GOLGA5: variants seen among roughly 807,000 people sequenced by gnomAD.
The protein encoded by GOLGA5 is golgin subfamily A member 5.
Under a neutral mutation model 93.5 loss-of-function variants are expected in GOLGA5, and 50 were observed. The ratio of observed to expected loss-of-function variants is 0.53; its 90% CI spans 0.43 to 0.68. The LOEUF (loss-of-function observed/expected upper bound fraction) is 0.68. Among genes scored for constraint, GOLGA5 ranks in the 30% least tolerant of loss-of-function variants. The pLI is 0.00. For synonymous variants in GOLGA5, 312 were observed against 304.5 expected (o/e 1.02, Z -0.26); for missense variants, 760 against 856.4 (o/e 0.89, Z 1.40).
chr14:92,800,316 CTG>C (rs1884841050), intron 2 of GOLGA5, among the ~76,000 whole-genome samples: 2 of 152,314 alleles, frequency 1.3e-5, no homozygotes, highest in South Asian at 4.1e-4. Context: ...CACAGAGGGT[CTG>C]TATTTTTAGC....
intron 7 of GOLGA5, among the ~76,000 whole-genome samples, chr14:92,818,732 G>A (rs904441583): frequency 1.3e-5 from 2 of 152,164 alleles, no homozygotes; most frequent in African/African-American, 4.8e-5. Flanking sequence ...GTATGAAACA[G>A]AATGTACCAA....
rs777041385 is a variant in GOLGA5 at position 92,833,287 on chromosome 14, G to A, written c.1885G>A (p.Ala629Thr). 54 of 1,613,790 alleles carry A rather than the reference G, an allele frequency of 3.3e-5. No individual in the cohort carries two copies. Among genetic ancestry groups the A allele is most frequent in the East Asian group, 2.2e-4 (10 of 44,884 alleles). Residue 629 changes from alanine (A) to threonine (T), a missense_variant, in exon 10 of 13, where the codon GCC becomes ACC. By Grantham distance (58) the Ala-to-Thr change is moderately conservative. Transcript: ENST00000163416. ...LERLEQQMNS[A>T]SGSSSNGSSI... ...GCGCCTCGAACAGCAGATGAACTCC[G>A]CCTCTGGAAGTAGTAGTAATGGGTC... is the stretch of plus-strand genomic sequence containing the variant.
chr14:92,818,725 T>G (rs556782372), intron 7 of GOLGA5, among the ~76,000 whole-genome samples: 8 of 152,314 alleles, frequency 5.3e-5, no homozygotes, highest in Middle Eastern at 3.4e-3. Context: ...GTGATGAGTA[T>G]GAAACAGAAT....
Position 92,801,676 on chromosome 14 carries a change from TAAAG to T in GOLGA5, c.544+3697_544+3700del, listed in dbSNP as rs1182637443. ...AAAATCTTTCCTTACACTGAGATCA[TAAAG>T]ATATTTTTCTGTATTGTCTTCTATA... On this transcript the variant is annotated intron_variant, in intron 2 of 12. Transcript: ENST00000163416. Among the ~76,000 whole-genome samples the T allele has an allele frequency of 1.3e-5, 2 of 151,964 alleles. 1 individual carries two copies. The highest frequency in any genetic ancestry group is 2.9e-5 in the Non-Finnish European group (2 of 67,988).
At chr14:92,825,136 G>A (rs1029809085) in intron 9 of GOLGA5, among the ~76,000 whole-genome samples, 6 of 151,886 alleles carry the variant, frequency 4.0e-5, no homozygotes, top group Non-Finnish European at 2.9e-5. Context: ...AGAGTCACAC[G>A]TTCACATTCC....
At chr14:92,808,446 C>CT (rs1208486202) in intron 3 of GOLGA5, among the ~76,000 whole-genome samples, 1 of 152,124 alleles carries the variant, frequency 6.6e-6, no homozygotes, top group East Asian at 1.9e-4. Flanking sequence ...ACAGCATGGG[C>CT]AACAGAGTGA....
intron 6 of GOLGA5, among the ~76,000 whole-genome samples, chr14:92,813,383 GAGA>G (rs1230687407): frequency 2.6e-5 from 4 of 152,224 alleles, no homozygotes; most frequent in African/African-American, 4.8e-5. Flanking sequence ...GGGAGCTTGA[GAGA>G]AGAATCCCTT....
chr14:92,824,262 A>T (rs112608088), intron 8 of GOLGA5, among the ~76,000 whole-genome samples: 14 of 152,332 alleles, frequency 9.2e-5, no homozygotes, highest in African/African-American at 3.1e-4. Context: ...TCATTACAAG[A>T]TAAACATTTT....
At chr14:92,810,201 A>G in intron 4 of GOLGA5, 53 bp from the exon 5 acceptor site, 1 of 1,362,660 alleles carries the variant, frequency 7.3e-7, no homozygotes, top group Non-Finnish European at 1.0e-6. Flanking sequence ...ATTCTGCCTT[A>G]TCACTTGTAC....
At chr14:92,838,618 G>GGCCT (rs1885695908) in intron 12 of GOLGA5, among the ~76,000 whole-genome samples, 3 of 152,104 alleles carry the variant, frequency 2.0e-5, no homozygotes, top group African/African-American at 7.2e-5. Context: ...CGCCCTCTTC[G>GGCCT]GCCTCCCAAA....
At chr14:92,833,443 G>C in intron 10 of GOLGA5, 96 bp downstream of exon 10, 5 of 875,014 alleles carry the variant, frequency 5.7e-6, no homozygotes, top group Non-Finnish European at 9.2e-6. Flanking sequence ...ACTTCATCCA[G>C]TGAAGGACTC....
chr14:92,799,218 A>T (rs1884806927), intron 2 of GOLGA5, among the ~76,000 whole-genome samples: 2 of 148,882 alleles, frequency 1.3e-5, no homozygotes, highest in Admixed American at 1.3e-4. Context: ...TCCTACTTTG[A>T]CCTCCCACAG....
chr14:92,825,626 C>T (rs564277380), intron 9 of GOLGA5, among the ~76,000 whole-genome samples: 37 of 152,162 alleles, frequency 2.4e-4, no homozygotes, highest in African/African-American at 7.9e-4. Flanking sequence ...TTTGGGAGAC[C>T]GAGGCAGGAG....
At chr14:92,838,662 G>A (rs1356128365) in intron 12 of GOLGA5, among the ~76,000 whole-genome samples, 1 of 152,072 alleles carries the variant, frequency 6.6e-6, no homozygotes, top group Non-Finnish European at 1.5e-5. Flanking sequence ...CACTGCACCT[G>A]GCATAATAAC....
At chr14:92,826,668 A>G (rs374542531) in intron 9 of GOLGA5, among the ~76,000 whole-genome samples, 68 of 151,788 alleles carry the variant, frequency 4.5e-4, no homozygotes, top group African/African-American at 1.6e-3. Flanking sequence ...ACTGCACTCC[A>G]GTCTGGGAGA....
At chr14:92,817,113 G>A (rs1007011058) in intron 7 of GOLGA5, among the ~76,000 whole-genome samples, 3 of 151,690 alleles carry the variant, frequency 2.0e-5, no homozygotes, top group African/African-American at 7.3e-5. Context: ...GCTAATTTTT[G>A]TATTCTTAGT....
At chr14:92,802,328 A>AT (rs1193609665) in intron 2 of GOLGA5, among the ~76,000 whole-genome samples, 18 of 151,890 alleles carry the variant, frequency 1.2e-4, no homozygotes, top group African/African-American at 4.4e-4. Context: ...TTGCTGGTGT[A>AT]TTTTTTGTTG....
intron 2 of GOLGA5, 48 bp downstream of exon 2, chr14:92,798,029 G>A (rs372642243): frequency 7.6e-5 from 90 of 1,188,138 alleles, no homozygotes; most frequent in Non-Finnish European, 1.0e-4. Context: ...CAAATTGAAT[G>A]TGTCATCATA....
intron 1 of GOLGA5, among the ~76,000 whole-genome samples, chr14:92,795,653 G>A (rs1884709778): frequency 6.6e-6 from 1 of 152,154 alleles, no homozygotes; most frequent in African/African-American, 2.4e-5. Context: ...CTAGACTCTG[G>A]GAATTCATTG....
Sources: gnomAD v4.1 joint callset for allele counts (sites outside exome capture counted in the v4.1 genomes callset) on GRCh38, gnomAD v4.1.1 for gene constraint, MANE v1.5 for transcripts, NCBI Gene and HGNC (gene_info 2026-07-23, HGNC 2026-07-21) for gene names.